The following PRKN variants were observed in gnomAD, a reference collection of about 807,000 sequenced individuals.
The protein encoded by PRKN is parkin RBR E3 ubiquitin protein ligase.
A neutral mutation model predicts 59.5 loss-of-function variants in PRKN; 56 were observed. The observed-to-expected ratio is 0.94, with a 90% CI of 0.76 to 1.18. The LOEUF (loss-of-function observed/expected upper bound fraction) is 1.18. Ranked by LOEUF, PRKN falls within the 50% of genes most tolerant of loss-of-function variation. The probability of loss-of-function intolerance (pLI) is 0.00; values close to 1 mark genes in which losing one functional copy is unlikely to be tolerated. For synonymous variants in PRKN, 250 were observed against 222.1 expected (o/e 1.13, Z -1.12); for missense variants, 657 against 596.4 (o/e 1.10, Z -1.06).
At position 161,529,582 on chromosome 6, in the gene PRKN, A is replaced by G. The variant is rs1779131320; in HGVS notation, c.1083+19272T>C. On this transcript the variant is annotated intron_variant, in intron 9 of 11. Transcript: ENST00000366898. The surrounding 1 kb of genome is among the most constrained non-coding windows in gnomAD (Gnocchi z 4.4). ...ACAGTTTCAGTTCCAGTAATAAAAC[A>G]TCTAAACCTCCATATTTGGACGAAG... 6.6e-6 allele frequency among the ~76,000 whole-genome samples: 1 copy of G among 152,212 alleles called. No individual in the cohort carries two copies. The highest frequency in any genetic ancestry group is 1.9e-4 in the East Asian group (1 of 5,194).
chr6:162,568,584 AAGGAG>A, intron 1 of PRKN: 1 of 779,650 alleles, frequency 1.3e-6, no homozygotes, highest in Non-Finnish European at 2.2e-6. Context: ...GGAGAAGGAG[AAGGAG>A]CAGATCAGGA....
At chr6:161,662,087 T>G (rs2128165834) in intron 7 of PRKN, among the ~76,000 whole-genome samples, 1 of 152,282 alleles carries the variant, frequency 6.6e-6, no homozygotes, top group East Asian at 1.9e-4. Context: ...TATCCCATTC[T>G]GTATGGAAAG....
intron 2 of PRKN, among the ~76,000 whole-genome samples, chr6:162,342,017 T>C (rs1009670748): frequency 1.3e-5 from 2 of 152,180 alleles, no homozygotes; most frequent in African/African-American, 2.4e-5. Context: ...TGAAATAGTT[T>C]TTTTTGAAAC....
chr6:161,848,938 T>C (rs1353933931), intron 6 of PRKN, among the ~76,000 whole-genome samples: 2 of 152,218 alleles, frequency 1.3e-5, no homozygotes, highest in Non-Finnish European at 2.9e-5. Context: ...CTGGTGGTCC[T>C]TGGTGACTAC....
chr6:162,201,017 A>G (rs966049918), intron 4 of PRKN, 114 bp downstream of exon 4: 2 of 1,176,032 alleles, frequency 1.7e-6, no homozygotes, highest in Admixed American at 3.4e-5. Context: ...ACCACAGAAG[A>G]GAATGTCTTT....
intron 6 of PRKN, among the ~76,000 whole-genome samples, chr6:161,848,608 C>T (rs1030441434): frequency 2.6e-5 from 4 of 152,102 alleles, no homozygotes; most frequent in Non-Finnish European, 5.9e-5. Context: ...ACATCTAATG[C>T]GTGAGAAAAA....
At position 162,408,160 on chromosome 6, in the gene PRKN, A is replaced by G. The variant is rs144327565; in HGVS notation, c.171+35150T>C. 1.2e-3 allele frequency among the ~76,000 whole-genome samples: 190 copies of G among 152,196 alleles called. 1 individual carries two copies. The highest frequency in any genetic ancestry group is 4.3e-3 in the African/African-American group (179 of 41,520). On this transcript the variant is annotated intron_variant, in intron 2 of 11. Transcript: ENST00000366898. ...GATTCCCTCATTAGTAGTCACATGG[A>G]TCTTATGAAAATAAATATAATATCC...
chr6:161,565,396 C>T (rs1780602969), intron 8 of PRKN, among the ~76,000 whole-genome samples: 1 of 152,050 alleles, frequency 6.6e-6, no homozygotes, highest in Admixed American at 6.5e-5. Flanking sequence ...GTGTCCCCAC[C>T]CAAATTCTCA....
chr6:162,185,845 A>G (rs1266949828), intron 4 of PRKN, among the ~76,000 whole-genome samples: 1 of 152,182 alleles, frequency 6.6e-6, no homozygotes, highest in Non-Finnish European at 1.5e-5. Flanking sequence ...TGCACATTTA[A>G]AATATTTTAA....
intron 6 of PRKN, among the ~76,000 whole-genome samples, chr6:161,863,204 G>T (rs546863922): frequency 1.5e-4 from 23 of 151,774 alleles, no homozygotes; most frequent in South Asian, 1.5e-3. Context: ...TGAGACAGAA[G>T]AATAACATAA....
At chr6:162,704,583 T>C (rs903447114) in intron 1 of PRKN, among the ~76,000 whole-genome samples, 7 of 152,238 alleles carry the variant, frequency 4.6e-5, no homozygotes, top group African/African-American at 1.7e-4. Context: ...GTTGCAAACA[T>C]GCACCTTAAA....
intron 5 of PRKN, among the ~76,000 whole-genome samples, chr6:162,024,194 CTTTTTTTTTTT>C (rs111595639): frequency 3.1e-3 from 258 of 82,092 alleles, no homozygotes; most frequent in African/African-American, 0.012. Flanking sequence ...TCCCCCAACC[CTTTTTTTTTTT>C]TTTTTTTTTT....
chr6:162,479,757 G>GTTTTTTTTTTT (rs749892002), intron 1 of PRKN, among the ~76,000 whole-genome samples: 2 of 148,552 alleles, frequency 1.3e-5, no homozygotes. Context: ...ACAGTTATCT[G>GTTTTTTTTTTT]TTTTTTTTTC....
In PRKN at chr6:162,469,121, A is replaced by G. The variant is rs138860372; in HGVS notation, c.8-25648T>C. On this transcript the variant is annotated intron_variant, in intron 1 of 11. Coordinates refer to ENST00000366898, the MANE Select transcript of PRKN (RefSeq NM_004562.3). ...TATAAAAATCTATTGTGATATAGTG[A>G]TCACAGAAACTAGTTTCACCTTCTG... Among the ~76,000 whole-genome samples, 1,106 of 152,210 alleles carry G rather than the reference A, an allele frequency of 7.3e-3. 12 individuals are homozygous for G. Among genetic ancestry groups the G allele is most frequent in the African/African-American group, 0.025 (1,032 of 41,544 alleles).
intron 1 of PRKN, among the ~76,000 whole-genome samples, chr6:162,633,701 G>A (rs763030437): frequency 5.6e-4 from 85 of 151,962 alleles, no homozygotes; most frequent in Non-Finnish European, 8.7e-4. Flanking sequence ...GTCTCTTTCC[G>A]TGGGACCCTG....
In PRKN at chr6:162,006,053, T is replaced by C. The variant is rs141007773; in HGVS notation, c.619-32636A>G. On this transcript the variant is annotated intron_variant, in intron 5 of 11. Transcript: ENST00000366898. The stretch of plus-strand genomic sequence containing the variant: ...TTATTTGAACAATATTAAGTAAATC[T>C]GCATTTCTTAGAATTACTATAAAGT... Among the ~76,000 whole-genome samples the C allele has an allele frequency of 2.4e-3, 362 of 152,276 alleles. 5 individuals carry two copies. Among genetic ancestry groups the C allele is most frequent in the African/African-American group, 8.2e-3 (340 of 41,560 alleles).
intron 7 of PRKN, among the ~76,000 whole-genome samples, chr6:161,718,082 A>G (rs183790068): frequency 2.3e-4 from 35 of 152,314 alleles, no homozygotes; most frequent in Non-Finnish European, 3.1e-4. Flanking sequence ...ATATTCATAC[A>G]ATGTGCCTTG....
In PRKN at chr6:161,483,459, C is replaced by T. The variant is rs143210408; in HGVS notation, c.1083+65395G>A. Among the ~76,000 whole-genome samples, 58 of 152,264 alleles carry T rather than the reference C, an allele frequency of 3.8e-4. No homozygotes were observed. The highest frequency in any genetic ancestry group is 6.0e-4 in the Non-Finnish European group (41 of 68,018). ...ATGCTTGCCTTCATGAACTTTCAGG[C>T]CTCATCTATAAGGTCAGGAAAGGGG... On this transcript the variant is annotated intron_variant, in intron 9 of 11. Transcript: ENST00000366898. This position sits in a 1 kb window ranked among gnomAD's most constrained non-coding sequence, Gnocchi z 5.0.
chr6:162,058,550 A>C (rs1777962045), intron 4 of PRKN, among the ~76,000 whole-genome samples: 1 of 152,194 alleles, frequency 6.6e-6, no homozygotes. Context: ...GCTGTGGTTA[A>C]CCATTAACTA....
Sources: gnomAD v4.1 joint callset for allele counts (sites outside exome capture counted in the v4.1 genomes callset) on GRCh38, gnomAD v4.1.1 for gene constraint, Gnocchi (gnomAD v3.1) non-coding constraint, MANE v1.5 for transcripts, NCBI Gene and HGNC (gene_info 2026-07-23, HGNC 2026-07-21) for gene names.